DCC: variants seen among roughly 807,000 people sequenced by gnomAD.
DCC encodes the protein netrin receptor DCC.
Under a neutral mutation model 172.5 loss-of-function variants are expected in DCC, and 58 were observed. The observed-to-expected ratio is 0.34, with a 90% CI of 0.27 to 0.42. The LOEUF (loss-of-function observed/expected upper bound fraction) is 0.42. DCC is among the 10% of genes least tolerant of loss of function. The probability of loss-of-function intolerance (pLI) is 1.00; values close to 1 mark genes in which losing one functional copy is unlikely to be tolerated. For synonymous variants in DCC, 709 were observed against 644.5 expected (o/e 1.10, Z -1.52); for missense variants, 1,740 against 1,791.0 (o/e 0.97, Z 0.51).
intron 1 of DCC, among the ~76,000 whole-genome samples, chr18:52,489,638 C>A (rs1278317057): frequency 6.6e-6 from 1 of 152,020 alleles, no homozygotes; most frequent in Non-Finnish European, 1.5e-5. Context: ...CTATTTTATC[C>A]ACAATGGATA....
intron 7 of DCC, among the ~76,000 whole-genome samples, chr18:53,128,752 G>A (rs2043601198): frequency 6.6e-6 from 1 of 150,548 alleles, no homozygotes; most frequent in African/African-American, 2.4e-5. Context: ...TTGAAGACTT[G>A]CCTTCCTGAA....
intron 1 of DCC, among the ~76,000 whole-genome samples, chr18:52,347,082 C>T (rs998306514): frequency 5.3e-5 from 8 of 152,096 alleles, no homozygotes; most frequent in African/African-American, 1.9e-4. Flanking sequence ...CAAACATGTT[C>T]CACTGAATTA....
intron 1 of DCC, among the ~76,000 whole-genome samples, chr18:52,520,245 T>A (rs1229382517): frequency 6.6e-6 from 1 of 152,190 alleles, no homozygotes; most frequent in Non-Finnish European, 1.5e-5. Flanking sequence ...GACTTCTGAA[T>A]TGTCAAGACA....
intron 1 of DCC, among the ~76,000 whole-genome samples, chr18:52,505,114 T>C (rs1351327627): frequency 6.6e-6 from 1 of 152,134 alleles, no homozygotes; most frequent in Non-Finnish European, 1.5e-5. Flanking sequence ...TCAGAGAACG[T>C]ATCAACTTGC....
chr18:52,540,369 G>A (rs1344872730), intron 1 of DCC, among the ~76,000 whole-genome samples: 1 of 151,984 alleles, frequency 6.6e-6, no homozygotes, highest in African/African-American at 2.4e-5. Flanking sequence ...TGAGGCTACA[G>A]TGAGCTATGA....
intron 12 of DCC, among the ~76,000 whole-genome samples, chr18:53,281,390 A>G (rs2056870189): frequency 6.6e-6 from 1 of 152,288 alleles, no homozygotes; most frequent in East Asian, 1.9e-4. Flanking sequence ...GTCAACACAC[A>G]CACGCACACA....
At chr18:53,485,226 C>A (rs1445964478) in intron 25 of DCC, among the ~76,000 whole-genome samples, 1 of 152,052 alleles carries the variant, frequency 6.6e-6, no homozygotes, top group Non-Finnish European at 1.5e-5. Context: ...CTACTATCTA[C>A]ATGTATCTAT....
At chr18:53,005,082 C>T (rs2041624125) in intron 5 of DCC, among the ~76,000 whole-genome samples, 1 of 152,158 alleles carries the variant, frequency 6.6e-6, no homozygotes, top group Non-Finnish European at 1.5e-5. Flanking sequence ...CATAGGATGA[C>T]ATAGCATGAA....
At chr18:53,384,016 C>T (rs1907961682) in intron 15 of DCC, among the ~76,000 whole-genome samples, 1 of 152,094 alleles carries the variant, frequency 6.6e-6, no homozygotes, top group Admixed American at 6.5e-5. Context: ...AATATCAAAA[C>T]ATTTAGCCAT....
rs564122775 is a variant in DCC, at chr18:52,558,074, A to G, written c.92-193980A>G. Among the ~76,000 whole-genome samples, 99 of 152,216 alleles carry G rather than the reference A, an allele frequency of 6.5e-4. No homozygotes were observed. In the South Asian group the frequency reaches 0.02, roughly 31 times the overall value. On this transcript the variant is annotated intron_variant, in intron 1 of 28. Coordinates refer to ENST00000442544, the MANE Select transcript of DCC (RefSeq NM_005215.4). ...CAGAATTTTAATTTGTGAGCTTTTC[A>G]TACTATGTTAATACAAACTTTTAAT...
chr18:53,333,585 C>T (rs2057557238), intron 14 of DCC, among the ~76,000 whole-genome samples: 2 of 152,038 alleles, frequency 1.3e-5, no homozygotes, highest in Non-Finnish European at 2.9e-5. Flanking sequence ...GAGTAGATGG[C>T]TGGAGTGAGG....
At chr18:53,428,754 TATA>T (rs1246244795) in intron 21 of DCC, among the ~76,000 whole-genome samples, 8 of 59,870 alleles carry the variant, frequency 1.3e-4, no homozygotes, top group African/African-American at 3.9e-4. Flanking sequence ...ATATTTTATA[TATA>T]ATAAATTATA....
chr18:52,375,108 G>C (rs2144309010), intron 1 of DCC, among the ~76,000 whole-genome samples: 1 of 152,288 alleles, frequency 6.6e-6, no homozygotes, highest in Non-Finnish European at 1.5e-5. Flanking sequence ...GTTGCCTTTT[G>C]ACAAAAGAAT....
intron 21 of DCC, among the ~76,000 whole-genome samples, chr18:53,433,811 C>G (rs988427093): frequency 3.3e-5 from 5 of 152,184 alleles, no homozygotes; most frequent in African/African-American, 1.2e-4. Flanking sequence ...CATCCTATCT[C>G]CTACTTCCTT....
At chr18:53,093,687 C>T (rs1443713767) in intron 7 of DCC, among the ~76,000 whole-genome samples, 2 of 152,202 alleles carry the variant, frequency 1.3e-5, no homozygotes, top group African/African-American at 4.8e-5. Flanking sequence ...GCTGCTATGG[C>T]ACATGTAAAT....
At chr18:53,179,292 C>G (rs974038826) in intron 9 of DCC, among the ~76,000 whole-genome samples, 176 bp downstream of exon 9, 1 of 152,174 alleles carries the variant, frequency 6.6e-6, no homozygotes, top group Non-Finnish European at 1.5e-5. Context: ...ATAGAATGGC[C>G]TCTTCACTTA....
chr18:52,851,678 G>A (rs1333912272), intron 2 of DCC, among the ~76,000 whole-genome samples: 1 of 152,096 alleles, frequency 6.6e-6, no homozygotes, highest in East Asian at 1.9e-4. Context: ...ACAATGTCAA[G>A]TCTAATTCTG....
In DCC at chr18:52,906,417, G is replaced by C. The variant is rs190721701; in HGVS notation, c.697+89G>C. 486 of 1,347,904 alleles carry C rather than the reference G, an allele frequency of 3.6e-4. 1 individual carries two copies. In the Middle Eastern group the frequency reaches 4.1e-3, roughly 11 times the overall value. 83.5% of individuals were successfully genotyped at this position (1,347,904 alleles called of 1,614,324 possible). On this transcript the variant is annotated intron_variant, in intron 3 of 28. Transcript: ENST00000442544. ...TTTTCTTTAACAGATATTTGTAATT[G>C]TTATAAGTTCTGTATTGTTCATTGC...
chr18:53,313,046 A>AAAGG (rs2057298964), intron 13 of DCC, among the ~76,000 whole-genome samples: 2 of 134,926 alleles, frequency 1.5e-5, no homozygotes, highest in East Asian at 4.3e-4. Flanking sequence ...GAAAGGGAAG[A>AAAGG]AGGGAGGGAA....
Sources: allele counts gnomAD v4.1 joint callset (sites outside exome capture counted in the v4.1 genomes callset), GRCh38; gene constraint gnomAD v4.1.1; transcripts MANE v1.5; gene names NCBI Gene and HGNC (gene_info 2026-07-23, HGNC 2026-07-21).